PDE8B: variants seen among roughly 807,000 people sequenced by gnomAD.
PDE8B encodes high affinity cAMP-specific and IBMX-insensitive 3',5'-cyclic phosphodiesterase 8B.
PDE8B carries 26 observed loss-of-function variants against 101.3 expected under a neutral mutation model. The observed-to-expected ratio is 0.26, with a 90% confidence interval of 0.19 to 0.36. The LOEUF (loss-of-function observed/expected upper bound fraction) is 0.36, where lower values mean the gene tolerates loss of function less well. PDE8B is among the 10% of genes least tolerant of loss of function. The probability of loss-of-function intolerance (pLI) is 1.00; values close to 1 mark genes in which losing one functional copy is unlikely to be tolerated. For synonymous variants in PDE8B, 424 were observed against 429.3 expected, an observed-to-expected ratio of 0.99 and a Z score of 0.15; for missense variants, 810 against 1,163.1, an observed-to-expected ratio of 0.70 and a Z score of 4.42.
At chr5:77,121,593 C>T in the PDE8B span, among the ~76,000 whole-genome samples, 90 of 151,820 alleles carry the variant, frequency 5.9e-4, no homozygotes, top group African/African-American at 1.4e-3. Context: ...CTGCAACCTC[C>T]GCCTCCCGGG....
chr5:77,401,116 G>A (rs980234108), intron 11 of PDE8B, among the ~76,000 whole-genome samples: 6 of 152,124 alleles, frequency 3.9e-5, no homozygotes, highest in African/African-American at 1.2e-4. Context: ...CCATCTCATT[G>A]TTAATGAGGA....
the PDE8B span, among the ~76,000 whole-genome samples, chr5:77,164,221 T>C: frequency 6.6e-6 from 1 of 152,238 alleles, no homozygotes; most frequent in Non-Finnish European, 1.5e-5. Flanking sequence ...CTATCCTAGC[T>C]CTTTTACAAA....
At position 77,295,935 on chromosome 5, in the gene PDE8B, C is replaced by G. The variant is rs138752019; in HGVS notation, c.340-16059C>G. Among the ~76,000 whole-genome samples the G allele has an allele frequency of 2.0e-4, 31 of 152,294 alleles. 1 individual carries two copies. The East Asian group carries it at 4.8e-3, about 24-fold the overall frequency. On this transcript the variant is annotated intron_variant, in intron 1 of 21. Transcript: ENST00000264917. ...TCACTACACATTTCTTTTTGATAAA[C>G]AGTGAGAATATTTATTAAAAGTAGA...
rs187699838 is a variant in PDE8B at position 77,287,356 on chromosome 5, T to C, written c.340-24638T>C. 6.4e-4 allele frequency among the ~76,000 whole-genome samples: 97 copies of C among 152,252 alleles called. 1 individual carries two copies. Among genetic ancestry groups the C allele is most frequent in the Admixed American group, 2.1e-3 (32 of 15,288 alleles). On this transcript the variant is annotated intron_variant, in intron 1 of 21. Coordinates refer to ENST00000264917, the MANE Select transcript of PDE8B (RefSeq NM_003719.5). ...TGTCCCACCTCCCATTATTTCTGTT[T>C]TTCCTTGGCTATTTTTAAACGTTTT...
chr5:77,272,578 G>A (rs920847685), intron 1 of PDE8B, among the ~76,000 whole-genome samples: 2 of 152,188 alleles, frequency 1.3e-5, no homozygotes, highest in African/African-American at 4.8e-5. Context: ...AGTCTGGTTT[G>A]GAGCTATCTT....
At chr5:77,377,497 G>A (rs1266002121) in intron 10 of PDE8B, among the ~76,000 whole-genome samples, 2 of 152,184 alleles carry the variant, frequency 1.3e-5, no homozygotes, top group Non-Finnish European at 2.9e-5. Context: ...TAAAAGCCAC[G>A]GGCTAATATT....
chr5:77,097,732 T>TATATATATATATATATATATAC, the PDE8B span, among the ~76,000 whole-genome samples: 8 of 65,224 alleles, frequency 1.2e-4, no homozygotes, highest in African/African-American at 2.8e-4. Flanking sequence ...TATATATATA[T>TATATATATATATATATATATAC]ACATACATAT....
intron 1 of PDE8B, among the ~76,000 whole-genome samples, chr5:77,239,528 T>C (rs1755323545): frequency 6.6e-6 from 1 of 152,246 alleles, no homozygotes; most frequent in Non-Finnish European, 1.5e-5. Flanking sequence ...GCTACTGATA[T>C]CTGGCCACCT....
At chr5:77,097,474 T>C in the PDE8B span, among the ~76,000 whole-genome samples, 1 of 151,194 alleles carries the variant, frequency 6.6e-6, no homozygotes, top group Non-Finnish European at 1.5e-5. Flanking sequence ...TGGATTGAAG[T>C]TTTGTGGTAA....
At position 77,418,587 on chromosome 5, in the gene PDE8B, A is replaced by C. The variant is rs1796027065; in HGVS notation, c.2129+141A>C. 7 of 715,932 alleles carry C rather than the reference A, an allele frequency of 9.8e-6. No homozygotes were observed. The South Asian group carries it at 1.1e-4, about 11-fold the overall frequency. The allele number at this position is 715,932 out of a possible 1,614,324, so 44.3% of individuals were successfully genotyped here. On this transcript the variant is annotated intron_variant, in intron 18 of 21. Transcript: ENST00000264917. ...ATAAAATAACCTTGCCCTTAACTTA[A>C]TTTGACTTTTCAGACTGCCTTTATG...
At chr5:77,174,573 G>A in the PDE8B span, among the ~76,000 whole-genome samples, 2 of 152,054 alleles carry the variant, frequency 1.3e-5, no homozygotes, top group Non-Finnish European at 2.9e-5. Context: ...AAATCTTTCA[G>A]GAGCTCTCCG....
the PDE8B span, among the ~76,000 whole-genome samples, chr5:77,203,861 G>T: frequency 1.3e-5 from 2 of 152,142 alleles, no homozygotes; most frequent in African/African-American, 4.8e-5. Context: ...TTCTGGAATG[G>T]ATGATATGCC....
the PDE8B span, among the ~76,000 whole-genome samples, chr5:77,101,480 C>T: frequency 6.6e-6 from 1 of 152,128 alleles, no homozygotes; most frequent in African/African-American, 2.4e-5. Flanking sequence ...CCAAAATCCT[C>T]CTCTCTGCCC....
At chr5:77,168,302 T>G in the PDE8B span, among the ~76,000 whole-genome samples, 2 of 152,210 alleles carry the variant, frequency 1.3e-5, no homozygotes, top group African/African-American at 4.8e-5. Context: ...GCTCTTCACT[T>G]GTGTCAGGCT....
At chr5:77,374,000 G>A (rs1216416605) in intron 10 of PDE8B, among the ~76,000 whole-genome samples, 2 of 152,020 alleles carry the variant, frequency 1.3e-5, no homozygotes, top group South Asian at 2.1e-4. Context: ...ACAGGCATGC[G>A]CCACCATGCC....
chr5:77,304,888 G>A (rs898969147), intron 1 of PDE8B, among the ~76,000 whole-genome samples: 1 of 152,134 alleles, frequency 6.6e-6, no homozygotes, highest in Non-Finnish European at 1.5e-5. Context: ...GAGCTATCTG[G>A]AAAAAACCAG....
chr5:77,341,619 A>G (rs1779212677), intron 6 of PDE8B, among the ~76,000 whole-genome samples: 1 of 152,218 alleles, frequency 6.6e-6, no homozygotes, highest in Non-Finnish European at 1.5e-5. Flanking sequence ...TAGTCCACAT[A>G]GAGTGTGTTT....
chr5:77,242,505 C>T (rs1455566745), intron 1 of PDE8B, among the ~76,000 whole-genome samples: 1 of 152,088 alleles, frequency 6.6e-6, no homozygotes, highest in Non-Finnish European at 1.5e-5. Context: ...TTGTAAACCA[C>T]TAAAAGAAGC....
intron 1 of PDE8B, among the ~76,000 whole-genome samples, chr5:77,271,231 G>T (rs1580710189): frequency 6.6e-6 from 1 of 152,170 alleles, no homozygotes; most frequent in Non-Finnish European, 1.5e-5. Context: ...TTTCTTCTTT[G>T]TCTTACTTGT....
Sources: gnomAD v4.1 joint callset for allele counts (sites outside exome capture counted in the v4.1 genomes callset) on GRCh38, gnomAD v4.1.1 for gene constraint, MANE v1.5 for transcripts, NCBI Gene and HGNC (gene_info 2026-07-23, HGNC 2026-07-21) for gene names.